The following STK32C variants were observed in gnomAD, a reference collection of about 807,000 sequenced individuals.
STK32C encodes serine/threonine-protein kinase 32C.
Under a neutral mutation model 56.5 loss-of-function variants are expected in STK32C, and 31 were observed. The observed-to-expected ratio is 0.55, with a 90% confidence interval of 0.41 to 0.74. STK32C has a LOEUF of 0.74. Among genes scored for constraint, STK32C ranks in the 30% least tolerant of loss-of-function variants. The pLI is 0.00. For missense variants in STK32C, 544 were observed against 676.9 expected (o/e 0.80, Z 2.18); for synonymous variants, 309 against 289.4 (o/e 1.07, Z -0.69).
intron 1 of STK32C, among the ~76,000 whole-genome samples, chr10:132,249,646 C>CA (rs983917266): frequency 1.2e-4 from 19 of 152,206 alleles, no homozygotes; most frequent in African/African-American, 3.4e-4. Flanking sequence ...ACCGTGGCTC[C>CA]ACCCTGATGC....
intron 2 of STK32C, among the ~76,000 whole-genome samples, chr10:132,229,705 G>A (rs1290957750): frequency 6.6e-6 from 1 of 152,186 alleles, no homozygotes; most frequent in Non-Finnish European, 1.5e-5. Context: ...CCTTACTGGA[G>A]ACCCCTCCCT....
In STK32C at chr10:132,290,432, C is replaced by G. The variant is rs759823966; in HGVS notation, c.262+17140G>C. Reference sequence around the variant, plus strand: ...CCCACATGGCTTTCTCAGCAACAGACAGAAACGTGTTCTTGCAGCAGGTAG... The same window carrying G: ...CCCACATGGCTTTCTCAGCAACAGAGAGAAACGTGTTCTTGCAGCAGGTAG... On this transcript the variant is annotated intron_variant, in intron 1 of 11. Coordinates refer to ENST00000298630, the MANE Select transcript of STK32C (RefSeq NM_173575.4). 1.5e-3 allele frequency among the ~76,000 whole-genome samples: 225 copies of G among 152,238 alleles called. 5 individuals carry two copies. The highest frequency in any genetic ancestry group is 6.5e-4 in the Admixed American group (10 of 15,288).
At chr10:132,271,389 G>C (rs58938905) in intron 1 of STK32C, among the ~76,000 whole-genome samples, 1,861 of 152,340 alleles carry the variant, frequency 0.012, 35 homozygotes, top group African/African-American at 0.041. Flanking sequence ...AGCATGGAGG[G>C]TCAGAACAGA....
chr10:132,269,662 G>A (rs1344291203), intron 1 of STK32C, among the ~76,000 whole-genome samples: 1 of 152,234 alleles, frequency 6.6e-6, no homozygotes, highest in Non-Finnish European at 1.5e-5. Flanking sequence ...CAGACCCCAG[G>A]CTGTCGCCCA....
At chr10:132,216,724 G>A (rs935953159) in intron 10 of STK32C, among the ~76,000 whole-genome samples, 4 of 152,200 alleles carry the variant, frequency 2.6e-5, no homozygotes, top group Non-Finnish European at 5.9e-5. Flanking sequence ...AGCTGCTCCA[G>A]CCATGACTGA....
At chr10:132,331,966 C>A (rs2066785569), upstream of STK32C, 1 of 504,668 alleles carries the variant, frequency 2.0e-6, no homozygotes, top group Non-Finnish European at 3.4e-6. Context: ...CGCACCACAC[C>A]CCGCCCCCTC....
At chr10:132,302,836 C>T (rs767770661) in intron 1 of STK32C, among the ~76,000 whole-genome samples, 2 of 152,198 alleles carry the variant, frequency 1.3e-5, no homozygotes. Flanking sequence ...CTTCTCTCTT[C>T]TCTGCTCCAT....
chr10:132,324,124 C>A, exon 2 of STK32C: 1 of 661,948 alleles, frequency 1.5e-6, no homozygotes, highest in South Asian at 1.7e-5. Flanking sequence ...CCACTCCAAT[C>A]ACAGCAGCTG....
upstream of STK32C, chr10:132,332,064 C>G: frequency 3.4e-6 from 1 of 295,178 alleles, no homozygotes; most frequent in South Asian, 9.0e-5. Flanking sequence ...CCACAACACG[C>G]ACACCCCCGC....
intron 2 of STK32C, among the ~76,000 whole-genome samples, chr10:132,235,501 A>AAAAAAAG (rs2063252397): frequency 6.6e-6 from 1 of 151,060 alleles, no homozygotes; most frequent in South Asian, 2.1e-4. Context: ...CCTTAAAAAA[A>AAAAAAAG]AAAAAAAAAA....
At chr10:132,298,859 C>T (rs1234797497) in intron 1 of STK32C, among the ~76,000 whole-genome samples, 1 of 152,166 alleles carries the variant, frequency 6.6e-6, no homozygotes, top group Admixed American at 6.5e-5. Flanking sequence ...CCCCAGCTGC[C>T]ATCTTCACCG....
intron 1 of STK32C, among the ~76,000 whole-genome samples, chr10:132,269,739 G>C (rs1401215414): frequency 6.6e-6 from 1 of 152,180 alleles, no homozygotes; most frequent in Non-Finnish European, 1.5e-5. Flanking sequence ...TGGGCCCTGG[G>C]GTCCCCTTCA....
intron 2 of STK32C, among the ~76,000 whole-genome samples, chr10:132,244,711 G>A (rs577108253): frequency 3.3e-5 from 5 of 152,278 alleles, no homozygotes; most frequent in African/African-American, 1.2e-4. Flanking sequence ...GCCGTCCTCC[G>A]CTGCCAGAGG....
rs943398827 is a variant in STK32C at position 132,272,070 on chromosome 10, T to C, written c.263-26115A>G. On this transcript the variant is annotated intron_variant, in intron 1 of 11. Coordinates refer to ENST00000298630, the MANE Select transcript of STK32C (RefSeq NM_173575.4). ...TGCAAGCCCCGGCAGGGTAGGTGTGTCGTGGGCTGTGCTGTGCCCCCGAAG... is the reference window on the plus strand; with the variant it reads ...TGCAAGCCCCGGCAGGGTAGGTGTGCCGTGGGCTGTGCTGTGCCCCCGAAG... Among the ~76,000 whole-genome samples the C allele has an allele frequency of 6.6e-5, 10 of 152,222 alleles. 1 individual carries two copies. Among genetic ancestry groups the C allele is most frequent in the African/African-American group, 1.2e-4 (5 of 41,464 alleles).
chr10:132,272,817 T>C (rs950998919), intron 1 of STK32C, among the ~76,000 whole-genome samples: 4 of 152,198 alleles, frequency 2.6e-5, no homozygotes, highest in Admixed American at 2.0e-4. Flanking sequence ...TAATAGCCCA[T>C]GTCCTTCCGG....
intron 1 of STK32C, among the ~76,000 whole-genome samples, chr10:132,298,140 A>G (rs987433354): frequency 2.6e-5 from 4 of 152,182 alleles, no homozygotes; most frequent in African/African-American, 9.7e-5. Context: ...CCCCATGTCC[A>G]GCTCTTCCAA....
rs1316066006 is a variant in STK32C, at chr10:132,226,844, C to T, written c.595G>A (p.Glu199Lys). Reference protein sequence around the residue: ...SEDTVRLYICEMALALDYLRG... With the variant: ...SEDTVRLYICKMALALDYLRG... ...AGGTAGTCCAGAGCCAGTGCCATCTCGCAGATGTACAGCCTCACCGTGTCC... is the reference window on the plus strand; with the variant it reads ...AGGTAGTCCAGAGCCAGTGCCATCTTGCAGATGTACAGCCTCACCGTGTCC... The change falls in exon 4 of 12, where the codon GAG (glutamate) becomes AAG (lysine). Residue 199 changes from glutamate (E) to lysine (K), a missense_variant. Transcript: ENST00000298630. The T allele has an allele frequency of 5.6e-6, 9 of 1,613,238 alleles. No individual in the cohort carries two copies. The highest frequency in any genetic ancestry group is 1.3e-5 in the African/African-American group (1 of 74,958).
intron 1 of STK32C, among the ~76,000 whole-genome samples, chr10:132,319,032 T>C (rs1339422785): frequency 2.0e-5 from 3 of 152,228 alleles, no homozygotes; most frequent in Non-Finnish European, 4.4e-5. Context: ...CACTGCAACC[T>C]CCACGTCCTG....
chr10:132,213,404 C>A (rs565721176), intron 10 of STK32C, among the ~76,000 whole-genome samples: 1 of 152,204 alleles, frequency 6.6e-6, no homozygotes, highest in Admixed American at 6.5e-5. Context: ...GGCCACAAGA[C>A]GCAGACTCTC....
Sources: allele counts gnomAD v4.1 joint callset (sites outside exome capture counted in the v4.1 genomes callset), GRCh38; gene constraint gnomAD v4.1.1; transcripts MANE v1.5; gene names NCBI Gene and HGNC (gene_info 2026-07-23, HGNC 2026-07-21).